The following CNTNAP4 variants were observed in gnomAD, a reference collection of about 807,000 sequenced individuals.
CNTNAP4 encodes the protein contactin-associated protein-like 4.
Under a neutral mutation model 148.4 loss-of-function variants are expected in CNTNAP4, and 98 were observed. That is an observed-to-expected ratio of 0.66 (90% CI 0.56 to 0.78). CNTNAP4 has a LOEUF of 0.78. Ranked by LOEUF, CNTNAP4 falls within the 30% of genes least tolerant of loss-of-function variation. The pLI is 0.00. For synonymous variants in CNTNAP4, 730 were observed against 565.1 expected (o/e 1.29, Z -4.14); for missense variants, 1,935 against 1,565.6 (o/e 1.24, Z -3.98).
At chr16:76,356,319 A>G (rs12600063) in intron 3 of CNTNAP4, among the ~76,000 whole-genome samples, 19,903 of 151,968 alleles carry the variant, frequency 0.13, 2,004 homozygotes, top group East Asian at 0.48. Context: ...ATGTATATGC[A>G]TACACATGTA....
At chr16:76,490,463 T>C (rs371391990) in intron 13 of CNTNAP4, among the ~76,000 whole-genome samples, 39 of 152,276 alleles carry the variant, frequency 2.6e-4, no homozygotes, top group African/African-American at 8.7e-4. Flanking sequence ...GGTCTTTCTT[T>C]AGGGCATCTC....
intron 17 of CNTNAP4, among the ~76,000 whole-genome samples, chr16:76,530,039 TA>T (rs1387547887): frequency 2.0e-5 from 3 of 152,110 alleles, no homozygotes; most frequent in East Asian, 3.9e-4. Context: ...GAGATTGTCT[TA>T]TTTTTTTTAA....
At chr16:76,403,259 A>C (rs528216602) in intron 3 of CNTNAP4, among the ~76,000 whole-genome samples, 4 of 151,702 alleles carry the variant, frequency 2.6e-5, no homozygotes, top group Non-Finnish European at 5.9e-5. Flanking sequence ...CACCTGGCAA[A>C]TTTTTTTGTA....
chr16:76,413,271 C>T (rs1221922923), intron 3 of CNTNAP4, among the ~76,000 whole-genome samples: 2 of 151,430 alleles, frequency 1.3e-5, no homozygotes, highest in African/African-American at 4.8e-5. Flanking sequence ...ACTTCTCAGC[C>T]TCTAGTAACC....
chr16:76,427,346 T>C (rs1381902118), intron 3 of CNTNAP4, 106 bp from the exon 4 acceptor site: 2 of 862,580 alleles, frequency 2.3e-6, no homozygotes, highest in Non-Finnish European at 3.5e-6. Context: ...GGTAGCACCA[T>C]TCATAGTAAA....
chr16:76,302,033 T>C (rs1346813097), intron 1 of CNTNAP4, among the ~76,000 whole-genome samples: 2 of 152,040 alleles, frequency 1.3e-5, no homozygotes, highest in Admixed American at 6.6e-5. Flanking sequence ...TGGTTTGAAC[T>C]GAACAGCAGC....
intron 15 of CNTNAP4, among the ~76,000 whole-genome samples, chr16:76,514,756 C>T (rs1042440983): frequency 8.9e-6 from 1 of 112,606 alleles, no homozygotes; most frequent in Non-Finnish European, 2.1e-5. Context: ...AATAGATGTG[C>T]TAAAAAGAGG....
chr16:76,507,672 A>G (rs1352674919), intron 15 of CNTNAP4, among the ~76,000 whole-genome samples: 1 of 98,058 alleles, frequency 1.0e-5, no homozygotes, highest in African/African-American at 2.6e-5. Context: ...TGGTGCTGAC[A>G]TAGGGCCTGC....
At chr16:76,372,538 G>C (rs2014961018) in intron 3 of CNTNAP4, among the ~76,000 whole-genome samples, 1 of 152,034 alleles carries the variant, frequency 6.6e-6, no homozygotes, top group Non-Finnish European at 1.5e-5. Context: ...AATCACGTGG[G>C]CAGTTTCCCC....
At chr16:76,476,920 G>T (rs1162783722) in intron 11 of CNTNAP4, among the ~76,000 whole-genome samples, 1 of 151,680 alleles carries the variant, frequency 6.6e-6, no homozygotes, top group Non-Finnish European at 1.5e-5. Flanking sequence ...TAAGGAAAAG[G>T]GTGGTAGATA....
chr16:76,351,825 C>T (rs151069445), intron 2 of CNTNAP4, among the ~76,000 whole-genome samples: 41 of 152,240 alleles, frequency 2.7e-4, no homozygotes, highest in African/African-American at 8.4e-4. Flanking sequence ...ATTGATGATC[C>T]GATTTTAACT....
chr16:76,523,342 C>T (rs1369996035), intron 17 of CNTNAP4, among the ~76,000 whole-genome samples: 1 of 149,906 alleles, frequency 6.7e-6, no homozygotes, highest in Admixed American at 6.7e-5. Flanking sequence ...TTGACAGTTT[C>T]ACCAGTTCCT....
At chr16:76,496,085 T>TTTGTGTGTGTGTGTG (rs142841223) in intron 14 of CNTNAP4, among the ~76,000 whole-genome samples, 2 of 140,036 alleles carry the variant, frequency 1.4e-5, no homozygotes, top group African/African-American at 5.1e-5. Flanking sequence ...CAAGATTATG[T>TTTGTGTGTGTGTGTG]TGTGTGTGTG....
chr16:76,558,465 C>T (rs2085285972), intron 23 of CNTNAP4, 25 bp from the exon 24 acceptor site: 1 of 1,417,292 alleles, frequency 7.1e-7, no homozygotes, highest in Non-Finnish European at 9.8e-7. Context: ...GAAATTCTGA[C>T]TTTATATTTC....
At chr16:76,552,164 A>C (rs550835621) in intron 21 of CNTNAP4, among the ~76,000 whole-genome samples, 3 of 152,188 alleles carry the variant, frequency 2.0e-5, no homozygotes, top group Admixed American at 2.0e-4. Context: ...ATGAACTTCC[A>C]AACACTTATA....
rs189344311 is a variant in CNTNAP4, at chr16:76,534,166, C to A, written c.2756-1379C>A. Among the ~76,000 whole-genome samples, 11 of 152,250 alleles carry A rather than the reference C, an allele frequency of 7.2e-5. 1 individual carries two copies. The highest frequency in any genetic ancestry group is 5.9e-4 in the Admixed American group (9 of 15,290). On this transcript the variant is annotated intron_variant, in intron 17 of 23. Coordinates refer to ENST00000611870, the MANE Select transcript of CNTNAP4 (RefSeq NM_033401.5). ...CCCCCTTTACCCTTGAAGCACTATG[C>A]CCATTTCTCCCATTTCTATGTATAT...
At chr16:76,482,036 G>T (rs7204737) in intron 12 of CNTNAP4, among the ~76,000 whole-genome samples, 149,359 of 151,812 alleles carry the variant, frequency 0.98, 73,513 homozygotes, top group East Asian at 1. Context: ...TTATTATACT[G>T]TAGTTTTAAG....
intron 2 of CNTNAP4, among the ~76,000 whole-genome samples, chr16:76,343,585 A>C (rs1964664007): frequency 6.6e-6 from 1 of 152,200 alleles, no homozygotes; most frequent in Non-Finnish European, 1.5e-5. Flanking sequence ...AAGGATAATT[A>C]CACGTTTATA....
chr16:76,370,935 C>G (rs997205523), intron 3 of CNTNAP4, among the ~76,000 whole-genome samples: 4 of 150,858 alleles, frequency 2.7e-5, no homozygotes, highest in Non-Finnish European at 5.9e-5. Context: ...TAGCGCTCTT[C>G]TGTCCTGGTA....
Sources: allele counts gnomAD v4.1 joint callset (sites outside exome capture counted in the v4.1 genomes callset), GRCh38; gene constraint gnomAD v4.1.1; transcripts MANE v1.5; gene names NCBI Gene and HGNC (gene_info 2026-07-23, HGNC 2026-07-21).